The following KPNA6 variants were observed in gnomAD, a reference collection of about 807,000 sequenced individuals.
KPNA6 encodes the protein karyopherin subunit alpha 6.
In KPNA6, 9 loss-of-function variants were observed where a neutral mutation model predicts 72.0. The observed-to-expected ratio is 0.13, with a 90% CI of 0.08 to 0.22. The LOEUF (loss-of-function observed/expected upper bound fraction) is 0.22. KPNA6 is among the 10% of genes least tolerant of loss of function. The pLI, the probability that KPNA6 is intolerant of heterozygous loss-of-function variation, is 1.00. For missense variants in KPNA6, 374 were observed against 655.7 expected, an observed-to-expected ratio of 0.57 and a Z score of 4.69; for synonymous variants, 219 against 242.1, an observed-to-expected ratio of 0.90 and a Z score of 0.89.
intron 1 of KPNA6, among the ~76,000 whole-genome samples, chr1:32,137,261 C>T (rs1031936966): frequency 1.3e-5 from 2 of 152,170 alleles, no homozygotes; most frequent in African/African-American, 2.4e-5. Flanking sequence ...ACTGTAGTCT[C>T]AAGCTCCGTT....
At chr1:32,147,650 C>CTTTTTTTTTTT in intron 1 of KPNA6, among the ~76,000 whole-genome samples, 1 of 81,882 alleles carries the variant, frequency 1.2e-5, no homozygotes, top group Non-Finnish European at 2.4e-5. Flanking sequence ...GATTTCTTTT[C>CTTTTTTTTTTT]TTTTTTTTTT....
intron 1 of KPNA6, among the ~76,000 whole-genome samples, chr1:32,144,210 C>T (rs912852728): frequency 6.6e-6 from 1 of 152,146 alleles, no homozygotes; most frequent in East Asian, 1.9e-4. Flanking sequence ...GACTTGACCA[C>T]AAACACTGCA....
chr1:32,132,556 G>A (rs762721014), intron 1 of KPNA6, among the ~76,000 whole-genome samples: 25 of 151,642 alleles, frequency 1.6e-4, no homozygotes, highest in Admixed American at 2.6e-4. Flanking sequence ...TCCCAAAGTG[G>A]GAACACAGGC....
In KPNA6 at chr1:32,119,026, A is replaced by ATT. The variant is rs1221375496; in HGVS notation, c.4+10893_4+10894insTT. Among the ~76,000 whole-genome samples, 214 of 69,334 alleles carry ATT rather than the reference A, an allele frequency of 3.1e-3. 4 individuals are homozygous for ATT. Among genetic ancestry groups the ATT allele is most frequent in the Admixed American group, 0.011 (54 of 5,122 alleles). The allele number at this position is 69,334 out of a possible 152,430, so 45.5% of individuals were successfully genotyped here. A position where few individuals can be genotyped will look rare whatever the true frequency, so the allele number is the denominator to read the frequency against. ...TATATATATATATATATATATATAT[A>ATT]TATATATTTTTTTTTTTTTTTTTGA... On this transcript the variant is annotated intron_variant, in intron 1 of 13. Transcript: ENST00000373625.
intron 5 of KPNA6, 45 bp downstream of exon 5, chr1:32,158,406 G>T: frequency 1.7e-6 from 2 of 1,204,494 alleles, no homozygotes; most frequent in Non-Finnish European, 2.5e-6. Context: ...TTAATTTTTG[G>T]GGGATACATA....
chr1:32,166,036 C>CAAA lies in KPNA6; in HGVS notation c.991-64_991-62dup, dbSNP rs1209466242. 4.7e-3 allele frequency: 6,737 copies of CAAA among 1,432,480 alleles called. 59 individuals are homozygous for CAAA. The highest frequency in any genetic ancestry group is 0.014 in the South Asian group (927 of 67,994). The allele number at this position is 1,432,480 out of a possible 1,614,324, so 88.7% of individuals were successfully genotyped here. A position where few individuals can be genotyped will look rare whatever the true frequency, so the allele number is the denominator to read the frequency against. On this transcript the variant is annotated intron_variant, in intron 10 of 13. Transcript: ENST00000373625. ...AAAACAACAACAACAACAACAACAA[C>CAAA]AAAAAAACATAAAAAAAATTAAAAA...
chr1:32,167,865 A>C (rs994681564), intron 12 of KPNA6, among the ~76,000 whole-genome samples: 2 of 151,578 alleles, frequency 1.3e-5, no homozygotes, highest in Non-Finnish European at 2.9e-5. Context: ...AAAAAAAAAA[A>C]AAACAAAAAA....
intron 1 of KPNA6, among the ~76,000 whole-genome samples, chr1:32,113,567 T>C (rs1430028255): frequency 6.6e-6 from 1 of 152,062 alleles, no homozygotes; most frequent in Admixed American, 6.6e-5. Flanking sequence ...ATCCTCCTAC[T>C]TCAGCCTCCC....
intron 1 of KPNA6, among the ~76,000 whole-genome samples, chr1:32,118,975 T>G (rs1641374181): frequency 7.6e-6 from 1 of 130,902 alleles, no homozygotes. Context: ...CATATATATG[T>G]GTGTGTGTGT....
At chr1:32,115,380 C>T (rs1249742616) in intron 1 of KPNA6, among the ~76,000 whole-genome samples, 3 of 152,050 alleles carry the variant, frequency 2.0e-5, no homozygotes, top group East Asian at 1.9e-4. Context: ...CCTCGTGATC[C>T]GCCCATCTCA....
intron 1 of KPNA6, among the ~76,000 whole-genome samples, chr1:32,135,247 A>T (rs896664026): frequency 6.6e-6 from 1 of 152,112 alleles, no homozygotes; most frequent in Non-Finnish European, 1.5e-5. Context: ...TTGTATTTTT[A>T]GTAGAGGTGG....
intron 1 of KPNA6, 100 bp from the exon 2 acceptor site, chr1:32,154,488 C>G (rs967444847): frequency 7.8e-7 from 1 of 1,283,196 alleles, no homozygotes; most frequent in Non-Finnish European, 1.1e-6. Flanking sequence ...GTATTCCCCC[C>G]AGAGTAGGGG....
intron 1 of KPNA6, among the ~76,000 whole-genome samples, chr1:32,117,935 T>A (rs894455544): frequency 2.6e-5 from 4 of 152,122 alleles, no homozygotes; most frequent in Non-Finnish European, 4.4e-5. Context: ...TTCTTTTTTT[T>A]AATTTGATAT....
At chr1:32,146,636 A>G (rs1641933854) in intron 1 of KPNA6, among the ~76,000 whole-genome samples, 1 of 152,290 alleles carries the variant, frequency 6.6e-6, no homozygotes, top group East Asian at 1.9e-4. Flanking sequence ...GTCATCACAC[A>G]TTTTATGTTT....
rs368259903 is a variant in KPNA6, at chr1:32,157,297, C to T, written c.232-49C>T. On this transcript the variant is annotated intron_variant, in intron 3 of 13. Transcript: ENST00000373625. The stretch of plus-strand genomic sequence containing the variant: ...GCCAAGCAGTATTATGTGCTCACAT[C>T]TGGCTCTAATGTTGGTTTGCAAAGT... 2.1e-5 allele frequency: 29 copies of T among 1,408,472 alleles called. No homozygotes were observed. In the African/African-American group the frequency reaches 2.7e-4, roughly 13 times the overall value. The allele number at this position is 1,408,472 out of a possible 1,614,324, so 87.2% of individuals were successfully genotyped here. A position where few individuals can be genotyped will look rare whatever the true frequency, so the allele number is the denominator to read the frequency against.
intron 1 of KPNA6, among the ~76,000 whole-genome samples, chr1:32,112,534 C>T (rs58148194): frequency 0.026 from 3,955 of 152,084 alleles, 178 homozygotes; most frequent in African/African-American, 0.089. Flanking sequence ...TGTCTGTCAC[C>T]CAGGCTGGAG....
chr1:32,141,232 A>G (rs753056730), intron 1 of KPNA6, among the ~76,000 whole-genome samples: 66 of 152,036 alleles, frequency 4.3e-4, no homozygotes, highest in Non-Finnish European at 8.8e-5. Flanking sequence ...GCCTGAGTTT[A>G]AAATGTTTAT....
intron 1 of KPNA6, among the ~76,000 whole-genome samples, chr1:32,130,741 C>T (rs961836038): frequency 4.7e-5 from 7 of 150,432 alleles, no homozygotes; most frequent in African/African-American, 1.2e-4. Context: ...CCAGCCTGGG[C>T]GACAGAGTGA....
chr1:32,153,442 G>A (rs1057338891), intron 1 of KPNA6, among the ~76,000 whole-genome samples: 1 of 151,528 alleles, frequency 6.6e-6, no homozygotes, highest in Non-Finnish European at 1.5e-5. Context: ...GTGGTGGCAG[G>A]CACCTGTAGT....
Sources: allele counts gnomAD v4.1 joint callset (sites outside exome capture counted in the v4.1 genomes callset), GRCh38; gene constraint gnomAD v4.1.1; transcripts MANE v1.5; gene names NCBI Gene and HGNC (gene_info 2026-07-23, HGNC 2026-07-21).